NLGN1: variants seen among roughly 807,000 people sequenced by gnomAD.
The protein encoded by NLGN1 is neuroligin 1, also known as neuroligin-1.
Under a neutral mutation model 65.5 loss-of-function variants are expected in NLGN1, and 12 were observed. The observed-to-expected ratio is 0.18, with a 90% CI of 0.12 to 0.30. The LOEUF (loss-of-function observed/expected upper bound fraction) is 0.30. Among genes scored for constraint, NLGN1 ranks in the 10% least tolerant of loss-of-function variants. NLGN1 has a pLI of 1.00. For missense variants in NLGN1, 750 were observed against 1,007.1 expected, an observed-to-expected ratio of 0.74 and a Z score of 3.46; for synonymous variants, 350 against 359.5, an observed-to-expected ratio of 0.97 and a Z score of 0.30.
chr3:174,117,954 C>T (rs530005264), intron 4 of NLGN1, among the ~76,000 whole-genome samples: 1 of 152,196 alleles, frequency 6.6e-6, no homozygotes, highest in South Asian at 2.1e-4. Context: ...TCAAAGAGAA[C>T]AAAGAAATTC....
chr3:174,178,546 A>G (rs1158319135), intron 4 of NLGN1, among the ~76,000 whole-genome samples: 1 of 152,152 alleles, frequency 6.6e-6, no homozygotes, highest in Non-Finnish European at 1.5e-5. Flanking sequence ...TTCACTGCCT[A>G]GCAATGGGAA....
chr3:173,644,982 G>A (rs1415361160), intron 3 of NLGN1, among the ~76,000 whole-genome samples: 2 of 152,224 alleles, frequency 1.3e-5, no homozygotes, highest in Non-Finnish European at 1.5e-5. Context: ...GCTGGTGGTG[G>A]GAGGCTGTGG....
chr3:173,504,799 C>G (rs1328440288), intron 2 of NLGN1, among the ~76,000 whole-genome samples: 1 of 152,056 alleles, frequency 6.6e-6, no homozygotes, highest in Non-Finnish European at 1.5e-5. Context: ...CGTTCTCTTT[C>G]CCTTATCTTT....
chr3:173,666,644 A>G (rs1761738855), intron 3 of NLGN1, among the ~76,000 whole-genome samples: 1 of 152,156 alleles, frequency 6.6e-6, no homozygotes, highest in Admixed American at 6.5e-5. Context: ...TTTGAAGATG[A>G]TCCCAGTTAT....
At chr3:173,558,917 C>T (rs1202959818) in intron 2 of NLGN1, among the ~76,000 whole-genome samples, 3 of 128,284 alleles carry the variant, frequency 2.3e-5, no homozygotes, top group Non-Finnish European at 5.0e-5. Context: ...GTTGTTTATC[C>T]AAGTAGGTAA....
At chr3:173,821,066 G>C (rs1465855526) in intron 4 of NLGN1, among the ~76,000 whole-genome samples, 1 of 152,058 alleles carries the variant, frequency 6.6e-6, no homozygotes, top group Non-Finnish European at 1.5e-5. Flanking sequence ...AGTGTAGTCA[G>C]GACCATAGAT....
chr3:173,855,014 A>G (rs2150762149), intron 4 of NLGN1, among the ~76,000 whole-genome samples: 1 of 152,226 alleles, frequency 6.6e-6, no homozygotes, highest in Admixed American at 6.5e-5. Flanking sequence ...CTGGTCTTTT[A>G]TATTATTAAT....
chr3:173,491,117 A>G (rs1435072749), intron 2 of NLGN1, among the ~76,000 whole-genome samples: 1 of 151,856 alleles, frequency 6.6e-6, no homozygotes, highest in Non-Finnish European at 1.5e-5. Context: ...CGTGGCCAGA[A>G]CTTCCAACAC....
intron 4 of NLGN1, among the ~76,000 whole-genome samples, chr3:174,111,379 A>G (rs1715186469): frequency 6.6e-6 from 1 of 151,948 alleles, no homozygotes; most frequent in Non-Finnish European, 1.5e-5. Context: ...TAAATTTAAT[A>G]AAAGCCAGAA....
At chr3:173,704,696 TC>T (rs1340757670) in intron 3 of NLGN1, among the ~76,000 whole-genome samples, 1 of 152,210 alleles carries the variant, frequency 6.6e-6, no homozygotes, top group Non-Finnish European at 1.5e-5. Context: ...TTATTCTTAA[TC>T]AGTTAATGAT....
chr3:174,107,009 CACACACACAGAGAGAG>C (rs1187563159), intron 4 of NLGN1, among the ~76,000 whole-genome samples: 2 of 118,830 alleles, frequency 1.7e-5, no homozygotes, highest in African/African-American at 4.0e-5. Context: ...CACACACACA[CACACACACAGAGAGAG>C]AGAGAGAGAG....
rs529717680 is a variant in NLGN1, at chr3:174,212,118, C to T, written c.647-63197C>T. On this transcript the variant is annotated intron_variant, in intron 4 of 6. Transcript: ENST00000457714. ...GCTGCAGGTCCCTAGCCCTGCCCCG[C>T]GGGAGGGCAGCTAAGGCCCGGTGAG... is the stretch of plus-strand genomic sequence containing the variant. Among the ~76,000 whole-genome samples the T allele has an allele frequency of 1.2e-3, 182 of 152,300 alleles. 1 individual carries two copies. The highest frequency in any genetic ancestry group is 4.0e-3 in the African/African-American group (168 of 41,570).
chr3:174,279,557 GCCCTA>G lies in NLGN1; in HGVS notation c.1558_1562del (p.Pro520ArgfsTer11). On this transcript the variant is annotated frameshift_variant, in exon 6 of 7. Coordinates refer to ENST00000457714, the Ensembl canonical transcript of NLGN1. LOFTEE classifies it high-confidence loss of function. This position sits in a 1 kb window ranked among gnomAD's most constrained non-coding sequence, Gnocchi z 4.7. ...TATGTACTGGGAATCCCCATGATTG[GCCCTA>G]CAGAGTTATTTCCTTGCAATTTCTC... 1 of 1,613,160 alleles carries G rather than the reference GCCCTA, an allele frequency of 6.2e-7. No homozygotes were observed. The highest frequency in any genetic ancestry group is 8.5e-7 in the Non-Finnish European group (1 of 1,179,480).
chr3:174,200,158 T>A (rs1473369924), intron 4 of NLGN1, among the ~76,000 whole-genome samples: 1 of 152,176 alleles, frequency 6.6e-6, no homozygotes, highest in African/African-American at 2.4e-5. Flanking sequence ...TTTGGAAAAA[T>A]TACTTAATCT....
At chr3:174,053,828 T>G (rs187441360) in intron 4 of NLGN1, among the ~76,000 whole-genome samples, 1 of 152,126 alleles carries the variant, frequency 6.6e-6, no homozygotes, top group Admixed American at 6.6e-5. Flanking sequence ...CAGCATTACA[T>G]TACACATGAT....
intron 1 of NLGN1, among the ~76,000 whole-genome samples, chr3:173,404,164 T>C (rs554903619): frequency 3.3e-5 from 5 of 152,310 alleles, no homozygotes; most frequent in East Asian, 1.9e-4. Flanking sequence ...GTCTCAACTT[T>C]TTTTCCCTCC....
intron 2 of NLGN1, among the ~76,000 whole-genome samples, chr3:173,535,480 C>G (rs1215458857): frequency 1.3e-5 from 2 of 152,126 alleles, no homozygotes; most frequent in Non-Finnish European, 2.9e-5. Context: ...CCACATTATT[C>G]CCTACTATAT....
At chr3:173,908,134 C>A (rs1156950376) in intron 4 of NLGN1, among the ~76,000 whole-genome samples, 1 of 152,064 alleles carries the variant, frequency 6.6e-6, no homozygotes, top group Non-Finnish European at 1.5e-5. Context: ...AAATAAGGCA[C>A]AAATAAGGGA....
chr3:174,088,801 TAAATAAAA>T (rs1230630466), intron 4 of NLGN1, among the ~76,000 whole-genome samples: 112 of 146,452 alleles, frequency 7.6e-4, no homozygotes, highest in African/African-American at 2.7e-3. Flanking sequence ...AATAAATAAA[TAAATAAAA>T]CTAGATTATT....
Sources: allele counts gnomAD v4.1 joint callset (sites outside exome capture counted in the v4.1 genomes callset), GRCh38; gene constraint gnomAD v4.1.1; non-coding constraint Gnocchi (gnomAD v3.1); transcripts MANE v1.5; gene names NCBI Gene and HGNC (gene_info 2026-07-23, HGNC 2026-07-21).